The following GRM6 variants were observed in gnomAD, a reference collection of about 807,000 sequenced individuals.
The protein encoded by GRM6 is metabotropic glutamate receptor 6.
In GRM6, 73 loss-of-function variants were observed where a neutral mutation model predicts 78.4. The observed-to-expected ratio is 0.93, with a 90% CI of 0.77 to 1.13. The LOEUF (loss-of-function observed/expected upper bound fraction) is 1.13. GRM6 is among the 50% of genes most tolerant of loss of function. The pLI is 0.00. For missense variants in GRM6, 1,251 were observed against 1,256.4 expected, an observed-to-expected ratio of 1.00 and a Z score of 0.07; for synonymous variants, 580 against 555.0, an observed-to-expected ratio of 1.05 and a Z score of -0.63.
rs367700792 is a variant in GRM6 at position 178,991,889 on chromosome 5, G to A, written c.699C>T (p.Phe233=). 41 of 1,613,908 alleles carry A rather than the reference G, an allele frequency of 2.5e-5. No homozygotes were observed. The highest frequency in any genetic ancestry group is 1.6e-4 in the Middle Eastern group (1 of 6,062). ...CACCAGCCTCTCGGGAGATCTGAAC[G>A]AAGGCCTCAACCCCACTTTCGCCAT... ...GNYGESGVEA[F]VQISREAGGV... Residue 233 remains phenylalanine, a synonymous_variant, in exon 3 of 11, where the codon TTC becomes TTT. Transcript: ENST00000517717. The surrounding 1 kb of genome is among the most constrained non-coding windows in gnomAD (Gnocchi z 5.0).
At chr5:178,987,495 C>A (rs992834095) in intron 7 of GRM6, 1 of 454,876 alleles carries the variant, frequency 2.2e-6, no homozygotes, top group Non-Finnish European at 4.4e-6. Flanking sequence ...GAAGGCAGTT[C>A]TGACCCATGC....
In GRM6 at chr5:178,991,361, A is replaced by T. The variant is rs760168115; in HGVS notation, c.857+63T>A. On this transcript the variant is annotated intron_variant, in intron 4 of 10. Transcript: ENST00000517717. The surrounding 1 kb of genome is among the most constrained non-coding windows in gnomAD (Gnocchi z 5.0). ...GAGAGTGTGTAAGGTGGCGATGTGC[A>T]AGAGGAGGGGTGGGACCCTCAGGGA... 46 of 1,492,734 alleles carry T rather than the reference A, an allele frequency of 3.1e-5. No individual in the cohort carries two copies. The highest frequency in any genetic ancestry group is 4.2e-5 in the Non-Finnish European group (45 of 1,071,094). The allele number at this position is 1,492,734 out of a possible 1,614,324, so 92.5% of individuals were successfully genotyped here.
intron 1 of GRM6, 153 bp from the exon 2 acceptor site, chr5:178,995,113 C>G (rs1760750450): frequency 3.5e-6 from 1 of 282,642 alleles, no homozygotes; most frequent in Non-Finnish European, 5.9e-6. Context: ...GCCGGCCTGC[C>G]CGGGCCTCCG....
rs1030721509 is a variant in GRM6, at chr5:178,978,416, T to C, written c.*3241A>G. The C allele has an allele frequency of 6.6e-6, 1 of 152,102 alleles. No homozygotes were observed. The highest frequency in any genetic ancestry group is 1.5e-5 in the Non-Finnish European group (1 of 68,022). The allele number at this position is 152,102 out of a possible 1,614,324, so 9.4% of individuals were successfully genotyped here. A position where few individuals can be genotyped will look rare whatever the true frequency, so the allele number is the denominator to read the frequency against. ...TACAGTAAGCAATGAATGTAATAAATTAAAGGGAAATTTCTAAAGAGCAAA... is the reference window on the plus strand; with the variant it reads ...TACAGTAAGCAATGAATGTAATAAACTAAAGGGAAATTTCTAAAGAGCAAA... On this transcript the variant is annotated 3_prime_UTR_variant, in exon 11 of 11. Transcript: ENST00000517717.
chr5:178,994,799 G>T lies in GRM6; in HGVS notation c.146C>A (p.Ala49Glu). The change falls in exon 2 of 11, where the codon GCG becomes GAG. Residue 49 changes from alanine (A) to glutamate (E), a missense_variant. Coordinates refer to ENST00000517717, the MANE Select transcript of GRM6 (RefSeq NM_000843.4). ...GCACGCCCGGCCCGCCGCGCCCCGCGCGTGCACCGGGAACAGGCCGCCCAG... is the reference window on the plus strand; with the variant it reads ...GCACGCCCGGCCCGCCGCGCCCCGCTCGTGCACCGGGAACAGGCCGCCCAG... Reference protein sequence around the residue: ...LTLGGLFPVHARGAAGRACGQ... With the variant: ...LTLGGLFPVHERGAAGRACGQ... The T allele has an allele frequency of 7.7e-7, 1 of 1,298,912 alleles. No individual in the cohort carries two copies. Among genetic ancestry groups the T allele is most frequent in the Non-Finnish European group, 9.8e-7 (1 of 1,020,440 alleles). 80.5% of individuals were successfully genotyped at this position (1,298,912 alleles called of 1,614,324 possible). A position where few individuals can be genotyped will look rare whatever the true frequency, so the allele number is the denominator to read the frequency against.
chr5:178,983,424 G>T (rs371454496), intron 9 of GRM6: 6 of 701,628 alleles, frequency 8.6e-6, no homozygotes, highest in Admixed American at 8.0e-5. Flanking sequence ...AGAGGGGTCC[G>T]TCCAAAGGCC....
chr5:178,989,103 C>T lies in GRM6; in HGVS notation c.1186G>A (p.Glu396Lys), dbSNP rs773726212. The T allele has an allele frequency of 6.8e-6, 11 of 1,613,920 alleles. No individual in the cohort carries two copies. Among genetic ancestry groups the T allele is most frequent in the East Asian group, 6.7e-5 (3 of 44,866 alleles). The change falls in exon 7 of 11, where the codon GAG becomes AAG. Residue 396 changes from glutamate (E) to lysine (K), a missense_variant. Glu to Lys is a moderately conservative substitution (Grantham distance 56). Coordinates refer to ENST00000517717, the MANE Select transcript of GRM6 (RefSeq NM_000843.4). Reference sequence around the variant, plus strand: ...ACAAACTGCACCTTGCCCTCCTGCTCGTAGGTGGAGTCCCGGCCGATGCGT... The same window carrying T: ...ACAAACTGCACCTTGCCCTCCTGCTTGTAGGTGGAGTCCCGGCCGATGCGT... ...EERIGRDSTYEQEGKVQFVID... is the reference protein window; with the variant it reads ...EERIGRDSTYKQEGKVQFVID...
rs2113328558 is a variant in GRM6 at position 178,986,452 on chromosome 5, G to A, written c.1802C>T (p.Thr601Ile). Reference sequence around the variant, plus strand: ...CCGCACGAAGGTGGCCACCACCGTGGTAGTGGCCACGATGCCCAGCACGGC... The same window carrying A: ...CCGCACGAAGGTGGCCACCACCGTGATAGTGGCCACGATGCCCAGCACGGC... The part of the protein sequence containing the change: ...LLAVLGIVAT[T>I]TVVATFVRYN... The change falls in exon 9 of 11, where the codon ACC becomes ATC. Residue 601 changes from threonine (T) to isoleucine (I), a missense_variant. Transcript: ENST00000517717. 3 of 1,613,042 alleles carry A rather than the reference G, an allele frequency of 1.9e-6. No individual in the cohort carries two copies. Among genetic ancestry groups the A allele is most frequent in the Non-Finnish European group, 8.5e-7 (1 of 1,179,834 alleles).
At chr5:178,994,368 G>T in intron 2 of GRM6, 73 bp downstream of exon 2, 1 of 1,289,458 alleles carries the variant, frequency 7.8e-7, no homozygotes, top group Non-Finnish European at 1.0e-6. Context: ...AGTAAAGGAA[G>T]GAGACTTGGG....
At position 178,994,691 on chromosome 5, in the gene GRM6, A is replaced by C; in HGVS notation, c.254T>G (p.Leu85Arg). The change falls in exon 2 of 11, where the codon CTG (leucine) becomes CGG (arginine). Residue 85 changes from leucine (L) to arginine (R), a missense_variant. Coordinates refer to ENST00000517717, the MANE Select transcript of GRM6 (RefSeq NM_000843.4). ...ALDRVNADPE[L>R]LPGVRLGARL... Reference sequence around the variant, plus strand: ...CGCGCCCAGGCGCACGCCGGGCAGCAGCTCGGGGTCGGCGTTGACGCGGTC... The same window carrying C: ...CGCGCCCAGGCGCACGCCGGGCAGCCGCTCGGGGTCGGCGTTGACGCGGTC... 6.8e-7 allele frequency: 1 copy of C among 1,469,168 alleles called. No homozygotes were observed. The highest frequency in any genetic ancestry group is 9.0e-7 in the Non-Finnish European group (1 of 1,113,312). The allele number at this position is 1,469,168 out of a possible 1,614,324, so 91.0% of individuals were successfully genotyped here. A position where few individuals can be genotyped will look rare whatever the true frequency, so the allele number is the denominator to read the frequency against.
Position 178,986,943 on chromosome 5 carries a change from A to G in GRM6, c.1395T>C (p.Asp465=), listed in dbSNP as rs1183826036. 6.2e-7 allele frequency: 1 copy of G among 1,613,852 alleles called. No homozygotes were observed. Among genetic ancestry groups the G allele is most frequent in the Non-Finnish European group, 8.5e-7 (1 of 1,179,964 alleles). The change falls in exon 8 of 11, where the codon GAT becomes GAC. Residue 465 remains aspartate (D), a synonymous_variant. Coordinates refer to ENST00000517717, the MANE Select transcript of GRM6 (RefSeq NM_000843.4). ...GGAAGATGTCGTACCGCCCGGGCGC[A>G]TCTCCGTTCTCGTTGAACATCACAG... ...GTPVMFNENG[D]APGRYDIFQY...
At position 178,991,592 on chromosome 5, in the gene GRM6, T is replaced by C. The variant is rs778445970; in HGVS notation, c.722-33A>G. Reference sequence around the variant, plus strand: ...TTGGGGGTGCCAGAGTCAGCTTCCGTCCCACCCACCCACACACCCACCTGG... The same window carrying C: ...TTGGGGGTGCCAGAGTCAGCTTCCGCCCCACCCACCCACACACCCACCTGG... On this transcript the variant is annotated intron_variant, in intron 3 of 10. Transcript: ENST00000517717. This position sits in a 1 kb window ranked among gnomAD's most constrained non-coding sequence, Gnocchi z 5.0. 6.2e-7 allele frequency: 1 copy of C among 1,605,624 alleles called. No homozygotes were observed.
rs559611595 is a variant in GRM6 at position 178,987,734 on chromosome 5, A to T, written c.1355-751T>A. Among the ~76,000 whole-genome samples, 8 of 152,116 alleles carry T rather than the reference A, an allele frequency of 5.3e-5. No homozygotes were observed. The South Asian group carries it at 1.5e-3, about 28-fold the overall frequency. On this transcript the variant is annotated intron_variant, in intron 7 of 10. Coordinates refer to ENST00000517717, the MANE Select transcript of GRM6 (RefSeq NM_000843.4). ...AGAGTTCTGGGGATAGATGGTGGTGATGGTTGCATAACATTGTGAATTTAT... is the reference window on the plus strand; with the variant it reads ...AGAGTTCTGGGGATAGATGGTGGTGTTGGTTGCATAACATTGTGAATTTAT...
Position 178,988,192 on chromosome 5 carries a change from C to T in GRM6, c.1354+743G>A, listed in dbSNP as rs139803137. Among the ~76,000 whole-genome samples, 2 of 152,150 alleles carry T rather than the reference C, an allele frequency of 1.3e-5. No homozygotes were observed. The highest frequency in any genetic ancestry group is 2.1e-4 in the South Asian group (1 of 4,822). Reference sequence around the variant, plus strand: ...CCAGGCGAGAGGATGAGTTCAGACACGGAGAGAGGTCTGAGTGACAGTATG... The same window carrying T: ...CCAGGCGAGAGGATGAGTTCAGACATGGAGAGAGGTCTGAGTGACAGTATG... On this transcript the variant is annotated intron_variant, in intron 7 of 10. Transcript: ENST00000517717. The surrounding 1 kb of genome is among the most constrained non-coding windows in gnomAD (Gnocchi z 6.0).
In GRM6 at chr5:178,981,635, A is replaced by C. The variant is rs771507440; in HGVS notation, c.*22T>G. ...GAGGAAGAAAGGAGAGGCAGCAAGC[A>C]GTCCCGTTCCCACCTGCCCTGCTAC... On this transcript the variant is annotated 3_prime_UTR_variant, in exon 11 of 11. Coordinates refer to ENST00000517717, the MANE Select transcript of GRM6 (RefSeq NM_000843.4). The surrounding 1 kb of genome is among the most constrained non-coding windows in gnomAD (Gnocchi z 5.1). 6 of 1,583,146 alleles carry C rather than the reference A, an allele frequency of 3.8e-6. No homozygotes were observed.
At chr5:178,994,269 C>T (rs1392321523) in intron 2 of GRM6, among the ~76,000 whole-genome samples, 172 bp downstream of exon 2, 2 of 152,196 alleles carry the variant, frequency 1.3e-5, no homozygotes, top group African/African-American at 4.8e-5. Flanking sequence ...TTGGGTGGAG[C>T]CGATTCAGGC....
chr5:178,980,619 G>GGATTTTTTGGT lies in GRM6; in HGVS notation c.*1037_*1038insACCAAAAAATC, dbSNP rs1312554354. ...GTATCTGAATTTCTTCAGGTTTGGGGGTTTTTTTGGTGTTTTTTTGTTTTG... is the reference window on the plus strand; with the variant it reads ...GTATCTGAATTTCTTCAGGTTTGGGGGATTTTTTGGTGTTTTTTTGGTGTTTTTTTGTTTTG... On this transcript the variant is annotated 3_prime_UTR_variant, in exon 11 of 11. Transcript: ENST00000517717. The surrounding 1 kb of genome is among the most constrained non-coding windows in gnomAD (Gnocchi z 4.3). 1.3e-5 allele frequency: 2 copies of GGATTTTTTGGT among 153,630 alleles called. No individual in the cohort carries two copies. Among genetic ancestry groups the GGATTTTTTGGT allele is most frequent in the Non-Finnish European group, 2.9e-5 (2 of 68,200 alleles). The allele number at this position is 153,630 out of a possible 1,614,324, so 9.5% of individuals were successfully genotyped here. A position where few individuals can be genotyped will look rare whatever the true frequency, so the allele number is the denominator to read the frequency against.
Position 178,992,494 on chromosome 5 carries a change from C to T in GRM6, c.505-411G>A, listed in dbSNP as rs371089955. The T allele has an allele frequency of 1.9e-4, 67 of 356,912 alleles. No homozygotes were observed. Among genetic ancestry groups the T allele is most frequent in the African/African-American group, 1.0e-3 (48 of 47,244 alleles). The allele number at this position is 356,912 out of a possible 1,614,324, so 22.1% of individuals were successfully genotyped here. On this transcript the variant is annotated intron_variant, in intron 2 of 10. Coordinates refer to ENST00000517717, the MANE Select transcript of GRM6 (RefSeq NM_000843.4). This position sits in a 1 kb window ranked among gnomAD's most constrained non-coding sequence, Gnocchi z 4.9. ...TCTTGATTCACACCAAGGGGTGGTC[C>T]GCAGGGACAGGCAGCCCTAGGAGGG... is the stretch of plus-strand genomic sequence containing the variant.
chr5:178,991,830 A>T lies in GRM6; in HGVS notation c.721+37T>A, dbSNP rs201257756. On this transcript the variant is annotated intron_variant, in intron 3 of 10. Transcript: ENST00000517717. This position sits in a 1 kb window ranked among gnomAD's most constrained non-coding sequence, Gnocchi z 5.0. ...CAACTGAGGGCCCCGGGCCCACACTATGTAGACTCCTTGGTGCCTCGGAGC... is the reference window on the plus strand; with the variant it reads ...CAACTGAGGGCCCCGGGCCCACACTTTGTAGACTCCTTGGTGCCTCGGAGC... 6.4e-7 allele frequency: 1 copy of T among 1,555,034 alleles called. No individual in the cohort carries two copies.
Sources: allele counts gnomAD v4.1 joint callset (sites outside exome capture counted in the v4.1 genomes callset), GRCh38; gene constraint gnomAD v4.1.1; non-coding constraint Gnocchi (gnomAD v3.1); transcripts MANE v1.5; gene names NCBI Gene and HGNC (gene_info 2026-07-23, HGNC 2026-07-21).